The following TRIM24 variants were observed in gnomAD, a reference collection of about 807,000 sequenced individuals.
The protein encoded by TRIM24 is transcription intermediary factor 1-alpha.
Under a neutral mutation model 123.9 loss-of-function variants are expected in TRIM24, and 29 were observed. The observed-to-expected ratio is 0.23, with a 90% CI of 0.17 to 0.32. The LOEUF is 0.32. Ranked by LOEUF, TRIM24 falls within the 10% of genes least tolerant of loss-of-function variation. TRIM24 has a pLI of 1.00. For missense variants in TRIM24, 932 were observed against 1,295.3 expected (o/e 0.72, Z 4.31); for synonymous variants, 456 against 461.1 (o/e 0.99, Z 0.14).
chr7:138,559,953 CT>C (rs113977749), intron 9 of TRIM24, among the ~76,000 whole-genome samples: 2,775 of 152,292 alleles, frequency 0.018, 71 homozygotes, highest in African/African-American at 0.061. Flanking sequence ...CTTTGCATGG[CT>C]TATCCCTAAA....
chr7:138,589,341 G>A lies in TRIM24; in HGVS notation c.*4390G>A, dbSNP rs1798067900. On this transcript the variant is annotated 3_prime_UTR_variant, in exon 19 of 19. Transcript: ENST00000343526. ...TTTTTGGGGGCAGATTGGTGCTTTGGTTTTAATAAAAACTAACTTTGATGG... is the reference window on the plus strand; with the variant it reads ...TTTTTGGGGGCAGATTGGTGCTTTGATTTTAATAAAAACTAACTTTGATGG... 1 of 152,048 alleles carries A rather than the reference G, an allele frequency of 6.6e-6. No individual in the cohort carries two copies. The highest frequency in any genetic ancestry group is 2.4e-5 in the African/African-American group (1 of 41,402). The allele number at this position is 152,048 out of a possible 1,614,324, so 9.4% of individuals were successfully genotyped here.
chr7:138,549,346 G>A (rs1377168415), intron 7 of TRIM24, among the ~76,000 whole-genome samples: 1 of 152,186 alleles, frequency 6.6e-6, no homozygotes, highest in Non-Finnish European at 1.5e-5. Flanking sequence ...ACATAGCGGT[G>A]TGGGAGAGAG....
At chr7:138,584,624 C>A in intron 18 of TRIM24, 118 bp from the exon 19 acceptor site, 1 of 794,686 alleles carries the variant, frequency 1.3e-6, no homozygotes, top group Non-Finnish European at 1.9e-6. Flanking sequence ...TTGTCTAGTC[C>A]TAAACTATTA....
rs1252287688 is a variant in TRIM24, at chr7:138,481,550, T to C, written c.364+20638T>C. ...ATCTTTCTGGGCTGGGCGCTGTAGCTCACACCTGTAATCCCAGTACTGTGG... is the reference window on the plus strand; with the variant it reads ...ATCTTTCTGGGCTGGGCGCTGTAGCCCACACCTGTAATCCCAGTACTGTGG... On this transcript the variant is annotated intron_variant, in intron 1 of 18. Transcript: ENST00000343526. Among the ~76,000 whole-genome samples the C allele has an allele frequency of 3.9e-5, 6 of 152,138 alleles. No individual in the cohort carries two copies. In the East Asian group the frequency reaches 9.6e-4, roughly 24 times the overall value.
At position 138,554,871 on chromosome 7, in the gene TRIM24, G is replaced by T. The variant is rs780054117; in HGVS notation, c.1435G>T (p.Ala479Ser). The change falls in exon 9 of 19, where the codon GCT (alanine) becomes TCT (serine). Residue 479 changes from alanine (A) to serine (S), a missense_variant. Coordinates refer to ENST00000343526, the MANE Select transcript of TRIM24 (RefSeq NM_015905.3). The surrounding 1 kb of genome is among the most constrained non-coding windows in gnomAD (Gnocchi z 4.5). ...CCAGCATATGCAGCAACAGGTAATG[G>T]CTCAGAGGCAACAGGTGCAACGGAG... is the stretch of plus-strand genomic sequence containing the variant. The part of the protein sequence containing the change: ...RLQHMQQQVM[A>S]QRQQVQRRPA... The T allele has an allele frequency of 1.2e-6, 2 of 1,614,120 alleles. No homozygotes were observed. Among genetic ancestry groups the T allele is most frequent in the South Asian group, 1.1e-5 (1 of 91,080 alleles).
At chr7:138,576,312 A>G (rs1270580505) in intron 12 of TRIM24, 61 bp from the exon 13 acceptor site, 13 of 1,468,306 alleles carry the variant, frequency 8.9e-6, no homozygotes, top group Non-Finnish European at 1.2e-5. Flanking sequence ...AACACATTCA[A>G]CAGGACTTCA....
intron 17 of TRIM24, among the ~76,000 whole-genome samples, chr7:138,581,984 CT>C (rs1367335221): frequency 2.0e-5 from 3 of 152,046 alleles, no homozygotes; most frequent in Admixed American, 1.3e-4. Flanking sequence ...TTTCTTCTTT[CT>C]TTTCTCATCT....
At chr7:138,471,141 A>G (rs1270645487) in intron 1 of TRIM24, among the ~76,000 whole-genome samples, 1 of 152,232 alleles carries the variant, frequency 6.6e-6, no homozygotes, top group Non-Finnish European at 1.5e-5. Flanking sequence ...CAAATGATGG[A>G]CCATGCATTA....
intron 1 of TRIM24, among the ~76,000 whole-genome samples, chr7:138,500,587 A>C (rs1394552260): frequency 1.4e-5 from 2 of 148,046 alleles, no homozygotes; most frequent in Non-Finnish European, 3.0e-5. Context: ...AAAAAAAAGG[A>C]ATAAGGCCAG....
At chr7:138,566,185 A>T (rs1797531508) in intron 9 of TRIM24, among the ~76,000 whole-genome samples, 1 of 152,090 alleles carries the variant, frequency 6.6e-6, no homozygotes, top group Non-Finnish European at 1.5e-5. Flanking sequence ...GCCTTCCTGT[A>T]ATCAACCAGG....
intron 10 of TRIM24, among the ~76,000 whole-genome samples, chr7:138,568,480 G>A (rs1361730668): frequency 7.7e-5 from 11 of 143,006 alleles, no homozygotes; most frequent in Non-Finnish European, 1.4e-4. Flanking sequence ...TCTGCCTTCC[G>A]GGTTCAAGCA....
chr7:138,492,915 T>C (rs755010823), intron 1 of TRIM24, among the ~76,000 whole-genome samples: 1 of 152,202 alleles, frequency 6.6e-6, no homozygotes, highest in Non-Finnish European at 1.5e-5. Flanking sequence ...TAGGTTCTGT[T>C]AATTTTTTCT....
chr7:138,505,534 G>A lies in TRIM24; in HGVS notation c.483+1126G>A, dbSNP rs1038599059. On this transcript the variant is annotated intron_variant, in intron 2 of 18. Coordinates refer to ENST00000343526, the MANE Select transcript of TRIM24 (RefSeq NM_015905.3). ...GGTTGTTGTTGTTGTTGTTGTTGTT[G>A]TTGTTGTTGTTGTTGTTGTTGAGAC... 4.6e-5 allele frequency among the ~76,000 whole-genome samples: 7 copies of A among 151,178 alleles called. No individual in the cohort carries two copies. The East Asian group carries it at 1.4e-3, about 29-fold the overall frequency.
At chr7:138,467,777 T>C (rs1795179193) in intron 1 of TRIM24, among the ~76,000 whole-genome samples, 1 of 152,258 alleles carries the variant, frequency 6.6e-6, no homozygotes, top group Admixed American at 6.5e-5. Context: ...TTAAACATTT[T>C]ATAATGTTAA....
intron 2 of TRIM24, 46 bp downstream of exon 2, chr7:138,504,454 T>C (rs754135711): frequency 1.9e-6 from 2 of 1,044,610 alleles, no homozygotes; most frequent in Non-Finnish European, 2.6e-6. Flanking sequence ...GCTCTTTTTT[T>C]TTTTTTTTTT....
chr7:138,516,811 TTG>T (rs1491506442), intron 3 of TRIM24, among the ~76,000 whole-genome samples: 2 of 133,168 alleles, frequency 1.5e-5, no homozygotes, highest in East Asian at 2.3e-4. Flanking sequence ...CAAAACCGTT[TTG>T]TTTTTTTTTT....
intron 1 of TRIM24, among the ~76,000 whole-genome samples, chr7:138,478,057 C>T (rs1037029868): frequency 2.0e-5 from 3 of 152,082 alleles, no homozygotes; most frequent in African/African-American, 7.2e-5. Context: ...ATGCTCTGCA[C>T]CTCAGTTGTG....
intron 7 of TRIM24, among the ~76,000 whole-genome samples, chr7:138,544,968 C>T (rs999689745): frequency 3.3e-5 from 5 of 152,178 alleles, no homozygotes; most frequent in African/African-American, 7.2e-5. Context: ...ACCATCATGA[C>T]ACCACAAATG....
intron 9 of TRIM24, among the ~76,000 whole-genome samples, chr7:138,557,710 A>C (rs1013218940): frequency 2.0e-5 from 3 of 152,190 alleles, no homozygotes; most frequent in Non-Finnish European, 4.4e-5. Context: ...AACTTTCTGC[A>C]TACCCCACCT....
Sources: allele counts gnomAD v4.1 joint callset (sites outside exome capture counted in the v4.1 genomes callset), GRCh38; gene constraint gnomAD v4.1.1; non-coding constraint Gnocchi (gnomAD v3.1); transcripts MANE v1.5; gene names NCBI Gene and HGNC (gene_info 2026-07-23, HGNC 2026-07-21).